Variants in RSU1 observed in about 807,000 individuals in gnomAD.
RSU1 encodes the protein Ras suppressor protein 1.
RSU1 carries 26 observed loss-of-function variants against 31.1 expected under a neutral mutation model. That is an observed-to-expected ratio of 0.84 (90% confidence interval 0.61 to 1.16). RSU1 has a LOEUF of 1.16. Ranked by LOEUF, RSU1 falls within the 50% of genes most tolerant of loss-of-function variation. The pLI, the probability that RSU1 is intolerant of heterozygous loss-of-function variation, is 0.00. For missense variants in RSU1, 320 were observed against 339.1 expected (o/e 0.94, Z 0.44); for synonymous variants, 164 against 136.3 (o/e 1.20, Z -1.41).
At chr10:16,645,479 G>A (rs1444390202) in intron 8 of RSU1, among the ~76,000 whole-genome samples, 2 of 152,034 alleles carry the variant, frequency 1.3e-5, no homozygotes, top group Non-Finnish European at 2.9e-5. Context: ...AACAGACCTA[G>A]GATAGTCACT....
intron 8 of RSU1, among the ~76,000 whole-genome samples, chr10:16,618,418 C>A (rs1007126166): frequency 6.6e-6 from 1 of 152,116 alleles, no homozygotes; most frequent in African/African-American, 2.4e-5. Flanking sequence ...GTCAGTGTGG[C>A]GATTCCTCAA....
intron 8 of RSU1, among the ~76,000 whole-genome samples, chr10:16,654,680 CAA>C (rs147140192): frequency 1.5e-4 from 17 of 111,842 alleles, no homozygotes; most frequent in South Asian, 1.0e-3. Flanking sequence ...AAAACAAAAA[CAA>C]AAAAAAAAAA....
intron 4 of RSU1, among the ~76,000 whole-genome samples, chr10:16,763,657 A>C (rs1034325161): frequency 5.3e-5 from 8 of 152,294 alleles, no homozygotes; most frequent in East Asian, 3.9e-4. Flanking sequence ...CTTCAGACCC[A>C]GAACCATCTT....
chr10:16,670,367 A>G (rs1188648337), intron 8 of RSU1, among the ~76,000 whole-genome samples: 1 of 152,188 alleles, frequency 6.6e-6, no homozygotes, highest in Non-Finnish European at 1.5e-5. Flanking sequence ...CTGATAAACA[A>G]AACTCCTCAA....
chr10:16,627,762 CAAAA>C (rs74962434), intron 8 of RSU1, among the ~76,000 whole-genome samples: 1 of 67,542 alleles, frequency 1.5e-5, no homozygotes, highest in Non-Finnish European at 3.3e-5. Flanking sequence ...CATCTCAATA[CAAAA>C]AAAAAAAAAA....
chr10:16,632,824 C>G (rs1216352692), intron 8 of RSU1, among the ~76,000 whole-genome samples: 1 of 151,958 alleles, frequency 6.6e-6, no homozygotes, highest in Admixed American at 6.6e-5. Flanking sequence ...CATCTGTACA[C>G]GTCCTACCTC....
chr10:16,814,469 GA>G (rs34730902), intron 2 of RSU1, among the ~76,000 whole-genome samples: 2,519 of 118,012 alleles, frequency 0.021, 98 homozygotes, highest in African/African-American at 0.071. Flanking sequence ...AAAAAAAAAA[GA>G]AAAAAAAATT....
Position 16,752,845 on chromosome 10 carries a change from A to G in RSU1, c.483+73T>C, listed in dbSNP as rs528403777. On this transcript the variant is annotated intron_variant, in intron 6 of 8. Transcript: ENST00000345264. Reference sequence around the variant, plus strand: ...ACAAAACAAACCTTACTCCTGCTCAAATTGACTTGATTCTACCCCTACAAG... The same window carrying G: ...ACAAAACAAACCTTACTCCTGCTCAGATTGACTTGATTCTACCCCTACAAG... The G allele has an allele frequency of 8.1e-6, 11 of 1,364,152 alleles. No homozygotes were observed. The Admixed American group carries it at 1.0e-4, about 13-fold the overall frequency. 84.5% of individuals were successfully genotyped at this position (1,364,152 alleles called of 1,614,324 possible).
At chr10:16,682,905 A>T (rs1253036450) in intron 8 of RSU1, among the ~76,000 whole-genome samples, 4 of 152,106 alleles carry the variant, frequency 2.6e-5, no homozygotes. Context: ...AGGACACAAT[A>T]GGGGTTGGTG....
intron 2 of RSU1, among the ~76,000 whole-genome samples, chr10:16,809,014 A>G (rs1328957645): frequency 2.6e-5 from 4 of 152,112 alleles, no homozygotes; most frequent in African/African-American, 7.2e-5. Flanking sequence ...AGCCTCCAGG[A>G]CCGTGGGAAA....
chr10:16,672,215 C>T (rs1459202548), intron 8 of RSU1, among the ~76,000 whole-genome samples: 1 of 151,434 alleles, frequency 6.6e-6, no homozygotes, highest in African/African-American at 2.4e-5. Context: ...GAGGCTGAGG[C>T]AGGAGAATGG....
intron 2 of RSU1, among the ~76,000 whole-genome samples, chr10:16,783,618 T>C (rs146578034): frequency 0.017 from 2,624 of 152,210 alleles, 74 homozygotes; most frequent in East Asian, 0.13. Flanking sequence ...CCTCCCAAAG[T>C]GCTAGGATTA....
At chr10:16,640,736 C>A (rs1452976795) in intron 8 of RSU1, among the ~76,000 whole-genome samples, 1 of 152,242 alleles carries the variant, frequency 6.6e-6, no homozygotes, top group Non-Finnish European at 1.5e-5. Flanking sequence ...CTGGTTAGCT[C>A]CTGCCCCTCT....
intron 7 of RSU1, among the ~76,000 whole-genome samples, chr10:16,731,297 G>T (rs1027113907): frequency 6.6e-6 from 1 of 151,984 alleles, no homozygotes; most frequent in African/African-American, 2.4e-5. Context: ...GGGCGCGGGG[G>T]TGGGCGCCTG....
At chr10:16,638,461 G>A (rs61593385) in intron 8 of RSU1, among the ~76,000 whole-genome samples, 5,496 of 152,260 alleles carry the variant, frequency 0.036, 324 homozygotes, top group African/African-American at 0.13. Context: ...TTAGGAAAAT[G>A]ACAAGTATAA....
intron 2 of RSU1, among the ~76,000 whole-genome samples, chr10:16,797,093 G>T (rs1284513777): frequency 6.6e-6 from 1 of 152,206 alleles, no homozygotes; most frequent in Non-Finnish European, 1.5e-5. Flanking sequence ...CTGCAGTAGG[G>T]TCTGATGGAT....
chr10:16,614,668 A>G (rs1833945805), intron 8 of RSU1, among the ~76,000 whole-genome samples: 1 of 152,214 alleles, frequency 6.6e-6, no homozygotes, highest in South Asian at 2.1e-4. Flanking sequence ...ATAAGCTTTT[A>G]AAAGAGGAAA....
At chr10:16,768,480 C>T (rs1028402001) in intron 3 of RSU1, among the ~76,000 whole-genome samples, 3 of 151,236 alleles carry the variant, frequency 2.0e-5, no homozygotes, top group African/African-American at 4.9e-5. Flanking sequence ...GCTAGGTTTG[C>T]GGGAACAGTC....
chr10:16,638,405 T>C (rs1834383255), intron 8 of RSU1, among the ~76,000 whole-genome samples: 1 of 152,148 alleles, frequency 6.6e-6, no homozygotes, highest in Non-Finnish European at 1.5e-5. Flanking sequence ...TCAAAAGACT[T>C]TGCAGAACTG....
Sources: gnomAD v4.1 joint callset for allele counts (sites outside exome capture counted in the v4.1 genomes callset) on GRCh38, gnomAD v4.1.1 for gene constraint, MANE v1.5 for transcripts, NCBI Gene and HGNC (gene_info 2026-07-23, HGNC 2026-07-21) for gene names.